Variants in NRG4 observed in about 807,000 individuals in gnomAD.
NRG4 encodes the protein pro-neuregulin-4, membrane-bound isoform.
In NRG4, 10 loss-of-function variants were observed where a neutral mutation model predicts 15.0. That is an observed-to-expected ratio of 0.67 (90% confidence interval 0.41 to 1.13). NRG4 has a LOEUF of 1.13. Among genes scored for constraint, NRG4 ranks in the 50% most tolerant of loss-of-function variants. The pLI is 0.00. For synonymous variants in NRG4, 41 were observed against 50.1 expected (o/e 0.82, Z 0.77); for missense variants, 139 against 140.2 (o/e 0.99, Z 0.04).
At position 75,977,772 on chromosome 15, in the gene NRG4, C is replaced by G. The variant is rs1229832674; in HGVS notation, c.105-15798G>C. Among the ~76,000 whole-genome samples, 1 of 152,164 alleles carries G rather than the reference C, an allele frequency of 6.6e-6. No individual in the cohort carries two copies. The highest frequency in any genetic ancestry group is 1.5e-5 in the Non-Finnish European group (1 of 68,004). On this transcript the variant is annotated intron_variant, in intron 3 of 5. Coordinates refer to ENST00000394907, the MANE Select transcript of NRG4 (RefSeq NM_138573.4). This position sits in a 1 kb window ranked among gnomAD's most constrained non-coding sequence, Gnocchi z 4.9. ...CTGTTCCTATTTGGCCATCTTATCA[C>G]TTCTTTCTTTTGGGAACATTCCCAA...
At chr15:76,027,712 C>T (rs2035353027) in intron 5 of NRG4, among the ~76,000 whole-genome samples, 2 of 152,204 alleles carry the variant, frequency 1.3e-5, no homozygotes, top group African/African-American at 2.4e-5. Context: ...ATTTTCAGAA[C>T]GTTTCACCCA....
intron 3 of NRG4, among the ~76,000 whole-genome samples, chr15:75,966,205 C>A (rs1244265829): frequency 2.0e-5 from 3 of 152,198 alleles, no homozygotes; most frequent in Non-Finnish European, 4.4e-5. Context: ...GAAGTTGTTA[C>A]AACATAGGAG....
At chr15:76,023,523 T>G (rs1207784996) in intron 5 of NRG4, among the ~76,000 whole-genome samples, 4 of 152,166 alleles carry the variant, frequency 2.6e-5, no homozygotes, top group Non-Finnish European at 5.9e-5. Flanking sequence ...GGAGAGCTGC[T>G]GGGAATTTAT....
At chr15:75,987,487 G>C (rs974014645) in intron 3 of NRG4, among the ~76,000 whole-genome samples, 5 of 147,206 alleles carry the variant, frequency 3.4e-5, no homozygotes, top group Non-Finnish European at 7.4e-5. Context: ...CCTTTTGGGG[G>C]TCATGAGGGT....
chr15:76,020,172 T>C (rs2035109151), intron 5 of NRG4, among the ~76,000 whole-genome samples: 1 of 152,196 alleles, frequency 6.6e-6, no homozygotes, highest in Non-Finnish European at 1.5e-5. Context: ...AATGCTCCAT[T>C]GACCGACCGT....
At chr15:75,959,183 T>C (rs974558626) in intron 4 of NRG4, 3 of 358,662 alleles carry the variant, frequency 8.4e-6, no homozygotes, top group African/African-American at 2.1e-5. Flanking sequence ...AGACGGGGTC[T>C]TGCTATGTTG....
rs1172891074 is a variant in NRG4 at position 76,005,664 on chromosome 15, T to C, written c.104+3536A>G. 4 of 295,314 alleles carry C rather than the reference T, an allele frequency of 1.4e-5. No individual in the cohort carries two copies. In the East Asian group the frequency reaches 3.3e-4, roughly 24 times the overall value. The allele number at this position is 295,314 out of a possible 1,614,324, so 18.3% of individuals were successfully genotyped here. A position where few individuals can be genotyped will look rare whatever the true frequency, so the allele number is the denominator to read the frequency against. On this transcript the variant is annotated intron_variant, in intron 3 of 5. Transcript: ENST00000394907. ...GATCGCCCTACTGTACTCCAGCCAG[T>C]GAGACTCTGTCTCAGAAAAAAAAAA...
intron 5 of NRG4, among the ~76,000 whole-genome samples, chr15:76,019,565 A>C (rs1463369481): frequency 6.6e-6 from 1 of 152,140 alleles, no homozygotes; most frequent in African/African-American, 2.4e-5. Flanking sequence ...GCTGGAGTGC[A>C]CCGTCCCTCA....
intron 3 of NRG4, among the ~76,000 whole-genome samples, chr15:75,995,512 GC>G (rs1307467717): frequency 1.3e-5 from 2 of 151,648 alleles, no homozygotes; most frequent in Admixed American, 1.3e-4. Flanking sequence ...CTCCCACTAG[GC>G]CCCCCCGCCC....
chr15:75,978,329 T>C (rs926585301), intron 3 of NRG4, among the ~76,000 whole-genome samples: 2 of 152,194 alleles, frequency 1.3e-5, no homozygotes. Context: ...ATTATTTCCC[T>C]TAACATAATG....
intron 4 of NRG4, among the ~76,000 whole-genome samples, chr15:76,043,681 A>T (rs972263011): frequency 1.3e-5 from 2 of 152,256 alleles, no homozygotes; most frequent in East Asian, 1.9e-4. Context: ...ATAGATTGGA[A>T]GATTCAATAT....
At chr15:76,041,359 A>C (rs1402591240) in intron 4 of NRG4, among the ~76,000 whole-genome samples, 1 of 151,908 alleles carries the variant, frequency 6.6e-6, no homozygotes, top group East Asian at 1.9e-4. Flanking sequence ...ATCAAAAGAC[A>C]GGGTGGCTGA....
At chr15:75,968,558 G>T (rs1462439640) in intron 3 of NRG4, among the ~76,000 whole-genome samples, 1 of 146,442 alleles carries the variant, frequency 6.8e-6, no homozygotes, top group Non-Finnish European at 1.5e-5. Context: ...CTGCACTCCA[G>T]CCTTGGCGAT....
At position 75,959,847 on chromosome 15, in the gene NRG4, G is replaced by A. The variant is rs555651166; in HGVS notation, c.251+1981C>T. Among the ~76,000 whole-genome samples the A allele has an allele frequency of 1.3e-3, 204 of 152,254 alleles. 1 individual carries two copies. Among genetic ancestry groups the A allele is most frequent in the Non-Finnish European group, 1.7e-3 (114 of 68,008 alleles). On this transcript the variant is annotated intron_variant, in intron 4 of 5. Transcript: ENST00000394907. The stretch of plus-strand genomic sequence containing the variant: ...GCTAGTGAGTTATGTCAGTAGTGAT[G>A]TGTGTCACTTCTGGGACAGATCATT...
chr15:76,020,365 G>C (rs1014896297), intron 5 of NRG4, among the ~76,000 whole-genome samples: 1 of 152,152 alleles, frequency 6.6e-6, no homozygotes, highest in Non-Finnish European at 1.5e-5. Flanking sequence ...GGTAAGATAG[G>C]CCTCTTGCAC....
intron 5 of NRG4, among the ~76,000 whole-genome samples, chr15:76,028,211 G>A (rs1043635705): frequency 2.6e-5 from 4 of 151,662 alleles, no homozygotes; most frequent in Non-Finnish European, 5.9e-5. Flanking sequence ...AAAGACCAAT[G>A]AAATGAAAAT....
chr15:75,996,544 G>A (rs1049329089), intron 3 of NRG4, among the ~76,000 whole-genome samples: 1 of 152,144 alleles, frequency 6.6e-6, no homozygotes, highest in African/African-American at 2.4e-5. Flanking sequence ...CAGGAAACTA[G>A]ATAATAGTTC....
At chr15:75,994,563 A>C (rs2034141245) in intron 3 of NRG4, among the ~76,000 whole-genome samples, 1 of 152,200 alleles carries the variant, frequency 6.6e-6, no homozygotes, top group African/African-American at 2.4e-5. Flanking sequence ...TGCAGAGTTT[A>C]TTATTTGTAA....
intron 3 of NRG4, among the ~76,000 whole-genome samples, chr15:75,981,062 T>C (rs1318816113): frequency 6.6e-6 from 1 of 152,166 alleles, no homozygotes; most frequent in African/African-American, 2.4e-5. Context: ...GGCCACAAAT[T>C]CTTTGTCACT....
Sources: allele counts gnomAD v4.1 joint callset (sites outside exome capture counted in the v4.1 genomes callset), GRCh38; gene constraint gnomAD v4.1.1; non-coding constraint Gnocchi (gnomAD v3.1); transcripts MANE v1.5; gene names NCBI Gene and HGNC (gene_info 2026-07-23, HGNC 2026-07-21).